MLANA: variants seen among roughly 807,000 people sequenced by gnomAD.
The protein encoded by MLANA is melanoma antigen recognized by T-cells 1.
A neutral mutation model predicts 15.7 loss-of-function variants in MLANA; 21 were observed. That is an observed-to-expected ratio of 1.33 (90% CI 0.95 to 1.92). The LOEUF (loss-of-function observed/expected upper bound fraction) is 1.92. Ranked by LOEUF, MLANA falls within the 40% of genes most tolerant of loss-of-function variation. MLANA has a pLI of 0.00. For missense variants in MLANA, 164 were observed against 143.8 expected (o/e 1.14, Z -0.72); for synonymous variants, 56 against 51.5 (o/e 1.09, Z -0.37).
rs568283948 is a variant in MLANA at position 5,890,956 on chromosome 9, G to T, written c.-26+20G>T. 1.3e-5 allele frequency: 2 copies of T among 152,208 alleles called. No homozygotes were observed. Among genetic ancestry groups the T allele is most frequent in the East Asian group, 3.9e-4 (2 of 5,178 alleles). The allele number at this position is 152,208 out of a possible 1,614,324, so 9.4% of individuals were successfully genotyped here. A position where few individuals can be genotyped will look rare whatever the true frequency, so the allele number is the denominator to read the frequency against. The stretch of plus-strand genomic sequence containing the variant: ...AGGAAGGTAAGAGCGTTGCCTTCTC[G>T]CCATAATCATAGTCCTCTTCTCCCA... On this transcript the variant is annotated intron_variant, in intron 1 of 4. Transcript: ENST00000381477.
rs1833071553 is a variant in MLANA, at chr9:5,910,042, A to C, written c.*1334A>C. On this transcript the variant is annotated 3_prime_UTR_variant, in exon 5 of 5. Coordinates refer to ENST00000381477, the MANE Select transcript of MLANA (RefSeq NM_005511.2). ...CGAAGATAATGAAAGTAATTTTTTT[A>C]ACCTAAGAAAATACTAATGGTCACA... The C allele has an allele frequency of 6.6e-6, 1 of 152,194 alleles. No individual in the cohort carries two copies. The highest frequency in any genetic ancestry group is 2.4e-5 in the African/African-American group (1 of 41,444). The allele number at this position is 152,194 out of a possible 1,614,324, so 9.4% of individuals were successfully genotyped here. A position where few individuals can be genotyped will look rare whatever the true frequency, so the allele number is the denominator to read the frequency against.
chr9:5,895,087 T>A (rs1831926343), intron 2 of MLANA, among the ~76,000 whole-genome samples: 1 of 152,220 alleles, frequency 6.6e-6, no homozygotes, highest in Non-Finnish European at 1.5e-5. Flanking sequence ...CCCGTATGCG[T>A]GGGAGCTATC....
At position 5,906,893 on chromosome 9, in the gene MLANA, T is replaced by C; in HGVS notation, c.183T>C (p.Ser61=). Residue 61 remains serine, a synonymous_variant, in exon 4 of 5, where the codon AGT becomes AGC. Transcript: ENST00000381477. ...ATCAATTTACATTTCAGGATAAAAGTCTTCATGTTGGCACTCAATGTGCCT... is the reference window on the plus strand; with the variant it reads ...ATCAATTTACATTTCAGGATAAAAGCCTTCATGTTGGCACTCAATGTGCCT... The part of the protein sequence containing the change: ...RNGYRALMDK[S]LHVGTQCALT... 6.3e-7 allele frequency: 1 copy of C among 1,578,192 alleles called. No homozygotes were observed. Among genetic ancestry groups the C allele is most frequent in the Non-Finnish European group, 8.6e-7 (1 of 1,166,116 alleles).
chr9:5,898,533 A>G (rs1318335860), intron 3 of MLANA, among the ~76,000 whole-genome samples: 3 of 152,162 alleles, frequency 2.0e-5, no homozygotes, highest in Admixed American at 1.3e-4. Context: ...CATTCAAACT[A>G]TAGCACCTGT....
chr9:5,891,869 G>T (rs1345772405), intron 1 of MLANA, among the ~76,000 whole-genome samples: 1 of 152,200 alleles, frequency 6.6e-6, no homozygotes, highest in Non-Finnish European at 1.5e-5. Flanking sequence ...GCCCCTGTGT[G>T]GGGTGGTTTC....
chr9:5,897,354 G>C (rs1365084001), intron 2 of MLANA, among the ~76,000 whole-genome samples: 1 of 152,228 alleles, frequency 6.6e-6, no homozygotes. Context: ...ACACACTTGA[G>C]AGGCTCCTAA....
intron 4 of MLANA, 146 bp downstream of exon 4, chr9:5,907,144 C>T (rs1373405156): frequency 4.8e-6 from 2 of 416,786 alleles, no homozygotes; most frequent in African/African-American, 4.1e-5. Context: ...GTTAAAATGG[C>T]AACTTTTATG....
At chr9:5,892,635 T>G in intron 2 of MLANA, 84 bp downstream of exon 2, 1 of 1,065,376 alleles carries the variant, frequency 9.4e-7, no homozygotes, top group Non-Finnish European at 1.4e-6. Flanking sequence ...ACATGCCTGC[T>G]CGTAAATCTC....
rs373411496 is a variant in MLANA at position 5,897,541 on chromosome 9, C to G, written c.78-16C>G. On this transcript the variant is annotated splice_polypyrimidine_tract_variant and intron_variant, in intron 2 of 4. Coordinates refer to ENST00000381477, the MANE Select transcript of MLANA (RefSeq NM_005511.2). ...TGTTTCAATGACAAAGTGGATTTGT[C>G]TATCTCTTGGGCCAGGGCCGCTGGG... 6.0e-5 allele frequency: 96 copies of G among 1,609,020 alleles called. No homozygotes were observed. The highest frequency in any genetic ancestry group is 7.7e-5 in the Non-Finnish European group (90 of 1,175,438).
chr9:5,892,688 G>A (rs902859923), intron 2 of MLANA, 137 bp downstream of exon 2: 10 of 664,848 alleles, frequency 1.5e-5, no homozygotes, highest in African/African-American at 1.3e-4. Context: ...CTGGCAACAA[G>A]GGGAGGAGAT....
chr9:5,901,581 C>G (rs1476251392), intron 3 of MLANA, among the ~76,000 whole-genome samples: 2 of 151,958 alleles, frequency 1.3e-5, no homozygotes, highest in Non-Finnish European at 1.5e-5. Flanking sequence ...TGCAGTGGCT[C>G]AATCTCAGCT....
rs554132206 is a variant in MLANA, at chr9:5,901,961, T to C, written c.174+4308T>C. ...TTTGCATCTGTATTCATGAGTGATATTGAGCTGTAGTTTTCTCTTTTTGCA... is the reference window on the plus strand; with the variant it reads ...TTTGCATCTGTATTCATGAGTGATACTGAGCTGTAGTTTTCTCTTTTTGCA... On this transcript the variant is annotated intron_variant, in intron 3 of 4. Transcript: ENST00000381477. 8.5e-5 allele frequency among the ~76,000 whole-genome samples: 13 copies of C among 152,362 alleles called. No homozygotes were observed. The East Asian group carries it at 1.3e-3, about 16-fold the overall frequency.
At chr9:5,897,752 T>C (rs1260724638) in intron 3 of MLANA, 99 bp downstream of exon 3, 2 of 1,057,944 alleles carry the variant, frequency 1.9e-6, no homozygotes, top group Non-Finnish European at 2.9e-6. Context: ...TGCCTCATTA[T>C]AACCTTCAGC....
At chr9:5,906,788 T>C (rs1286065624) in intron 3 of MLANA, 97 bp from the exon 4 acceptor site, 1 of 722,746 alleles carries the variant, frequency 1.4e-6, no homozygotes, top group Non-Finnish European at 2.2e-6. Context: ...AGAACCTAGA[T>C]TAAAACTCAT....
intron 3 of MLANA, among the ~76,000 whole-genome samples, chr9:5,905,483 C>T (rs572403549): frequency 1.3e-4 from 20 of 152,194 alleles, no homozygotes; most frequent in Non-Finnish European, 2.8e-4. Context: ...AGGGTTAAAT[C>T]ATGCCCTTCA....
At position 5,906,949 on chromosome 9, in the gene MLANA, A is replaced by C; in HGVS notation, c.239A>C (p.Asp80Ala). Residue 80 changes from aspartate to alanine, a missense_variant, in exon 4 of 5, where the codon GAT becomes GCT. Asp to Ala is a moderately radical substitution (Grantham distance 126). Transcript: ENST00000381477. ...AGAAGATGCCCACAAGAAGGGTTTG[A>C]TCATCGGGACAGCAAAGTGTCTCTT... Reference protein sequence around the residue: ...LTRRCPQEGFDHRDSKVSLQE... With the variant: ...LTRRCPQEGFAHRDSKVSLQE... 6.3e-7 allele frequency: 1 copy of C among 1,599,350 alleles called. No individual in the cohort carries two copies. The highest frequency in any genetic ancestry group is 8.5e-7 in the Non-Finnish European group (1 of 1,174,248).
chr9:5,901,769 G>T (rs529909754), intron 3 of MLANA, among the ~76,000 whole-genome samples: 4 of 151,728 alleles, frequency 2.6e-5, no homozygotes, highest in Non-Finnish European at 5.9e-5. Flanking sequence ...CAATCCACCT[G>T]CCTCAGCCTC....
chr9:5,904,491 C>A (rs545032713), intron 3 of MLANA, among the ~76,000 whole-genome samples: 1 of 152,090 alleles, frequency 6.6e-6, no homozygotes, highest in African/African-American at 2.4e-5. Flanking sequence ...CTTTTTGAGA[C>A]AGAATCTCAC....
chr9:5,896,345 C>T (rs927621999), intron 2 of MLANA, among the ~76,000 whole-genome samples: 2 of 152,218 alleles, frequency 1.3e-5, no homozygotes, highest in Non-Finnish European at 2.9e-5. Flanking sequence ...GATGAATCTT[C>T]ATAGGTCTCA....
Sources: gnomAD v4.1 joint callset for allele counts (sites outside exome capture counted in the v4.1 genomes callset) on GRCh38, gnomAD v4.1.1 for gene constraint, MANE v1.5 for transcripts, NCBI Gene and HGNC (gene_info 2026-07-23, HGNC 2026-07-21) for gene names.